The following SSH2 variants were observed in gnomAD, a reference collection of about 807,000 sequenced individuals.
The protein encoded by SSH2 is protein phosphatase Slingshot homolog 2.
Under a neutral mutation model 135.2 loss-of-function variants are expected in SSH2, and 37 were observed. The observed-to-expected ratio is 0.27, with a 90% CI of 0.21 to 0.36. The LOEUF is 0.36. Among genes scored for constraint, SSH2 ranks in the 10% least tolerant of loss-of-function variants. The pLI, the probability that SSH2 is intolerant of heterozygous loss-of-function variation, is 1.00. For synonymous variants in SSH2, 628 were observed against 646.2 expected (o/e 0.97, Z 0.43); for missense variants, 1,408 against 1,765.3 (o/e 0.80, Z 3.63).
intron 3 of SSH2, among the ~76,000 whole-genome samples, chr17:29,778,834 CCAAAAAAAA>C (rs2041772585): frequency 1.8e-5 from 1 of 56,714 alleles, no homozygotes; most frequent in Non-Finnish European, 3.1e-5. Flanking sequence ...CCTCCGTCTC[CCAAAAAAAA>C]AAAAAAAAAA....
At chr17:29,773,678 T>A (rs967203975) in intron 3 of SSH2, among the ~76,000 whole-genome samples, 11 of 152,330 alleles carry the variant, frequency 7.2e-5, no homozygotes, top group African/African-American at 2.4e-4. Context: ...GGGTTATTTT[T>A]TTTATTTATT....
intron 1 of SSH2, among the ~76,000 whole-genome samples, chr17:29,899,578 T>A (rs1409371998): frequency 2.0e-5 from 3 of 152,152 alleles, no homozygotes; most frequent in Non-Finnish European, 2.9e-5. Context: ...ACAAGGGATG[T>A]GAAGGACCTC....
intron 2 of SSH2, among the ~76,000 whole-genome samples, chr17:29,814,992 A>C (rs1290755342): frequency 1.4e-5 from 2 of 144,542 alleles, no homozygotes; most frequent in Admixed American, 1.4e-4. Flanking sequence ...GTTGATACCC[A>C]GGCTGGAGTG....
At chr17:29,766,081 TTTATTA>T (rs927509409) in intron 3 of SSH2, among the ~76,000 whole-genome samples, 4 of 121,648 alleles carry the variant, frequency 3.3e-5, no homozygotes, top group African/African-American at 1.2e-4. Flanking sequence ...CAAATTCAAA[TTTATTA>T]TTATTATTAT....
intron 3 of SSH2, among the ~76,000 whole-genome samples, chr17:29,756,236 C>A: frequency 6.7e-6 from 1 of 149,186 alleles, no homozygotes; most frequent in East Asian, 2.0e-4. Flanking sequence ...TCACTCCAGC[C>A]TGGGCAACAA....
intron 1 of SSH2, among the ~76,000 whole-genome samples, chr17:29,894,624 A>G (rs1279354964): frequency 6.6e-6 from 1 of 151,958 alleles, no homozygotes; most frequent in Admixed American, 6.6e-5. Context: ...TTCAATCCAC[A>G]GTTGGTTGAA....
At chr17:29,667,673 C>T (rs1294213252) in intron 9 of SSH2, among the ~76,000 whole-genome samples, 2 of 152,202 alleles carry the variant, frequency 1.3e-5, no homozygotes, top group Non-Finnish European at 2.9e-5. Context: ...AGGCTGGGGA[C>T]TGCTGACTTA....
Position 29,631,993 on chromosome 17 carries a change from C to T in SSH2, c.3201G>A (p.Gly1067=). ...ATTTTTCCATGTTCACTTTCCTCAG[C>T]CCTTGCTCTCCGCTCTTCTCACTGG... ...IATSEKSGEQ[G]LRKVNMEKSV... The change falls in exon 16 of 16, where the codon GGG becomes GGA. Residue 1067 remains glycine (G), a synonymous_variant. Coordinates refer to ENST00000540801, the MANE Select transcript of SSH2 (RefSeq NM_001282129.2). 1 of 1,614,176 alleles carries T rather than the reference C, an allele frequency of 6.2e-7. No individual in the cohort carries two copies.
intron 5 of SSH2, among the ~76,000 whole-genome samples, chr17:29,691,926 G>A (rs1355402403): frequency 6.6e-6 from 1 of 151,432 alleles, no homozygotes; most frequent in Non-Finnish European, 1.5e-5. Flanking sequence ...ATCACTTGAG[G>A]TCAGGAGTTC....
intron 2 of SSH2, among the ~76,000 whole-genome samples, chr17:29,812,718 G>A (rs1025271127): frequency 2.0e-5 from 3 of 151,858 alleles, no homozygotes; most frequent in Non-Finnish European, 4.4e-5. Flanking sequence ...GTGAAACCCC[G>A]TCTCTACTAA....
chr17:29,841,814 C>T (rs868820499), intron 2 of SSH2, among the ~76,000 whole-genome samples: 5 of 151,926 alleles, frequency 3.3e-5, no homozygotes, highest in Admixed American at 1.3e-4. Flanking sequence ...ACAGCCTCAA[C>T]CTTCTGGGCT....
intron 11 of SSH2, 78 bp from the exon 12 acceptor site, chr17:29,655,685 G>C (rs190364189): frequency 2.9e-5 from 39 of 1,337,100 alleles, no homozygotes; most frequent in Non-Finnish European, 3.7e-5. Context: ...GAGAGAAGAA[G>C]AACTTTCAAA....
chr17:29,812,089 TA>T (rs2042452667), intron 2 of SSH2, among the ~76,000 whole-genome samples: 1 of 151,740 alleles, frequency 6.6e-6, no homozygotes, highest in South Asian at 2.1e-4. Context: ...ACTCATTCAT[TA>T]AACTGTGAAC....
At chr17:29,803,122 G>T (rs1333928968) in intron 2 of SSH2, among the ~76,000 whole-genome samples, 1 of 152,186 alleles carries the variant, frequency 6.6e-6, no homozygotes, top group Non-Finnish European at 1.5e-5. Context: ...AGAAGGCTTA[G>T]ATCCACTGCT....
intron 14 of SSH2, among the ~76,000 whole-genome samples, chr17:29,642,854 A>T (rs934901121): frequency 1.3e-5 from 2 of 152,164 alleles, no homozygotes; most frequent in Non-Finnish European, 2.9e-5. Flanking sequence ...CTTCTCTTCT[A>T]CTAAGGCCAA....
intron 2 of SSH2, among the ~76,000 whole-genome samples, chr17:29,813,052 G>A (rs942366522): frequency 3.3e-5 from 5 of 152,008 alleles, no homozygotes; most frequent in Non-Finnish European, 7.4e-5. Flanking sequence ...TAGTCTCAAC[G>A]AACAAGGAAT....
At chr17:29,852,883 C>T (rs889716543) in intron 1 of SSH2, among the ~76,000 whole-genome samples, 5 of 151,648 alleles carry the variant, frequency 3.3e-5, no homozygotes, top group African/African-American at 4.9e-5. Flanking sequence ...GAATTGTTTC[C>T]GGGTTCTGCA....
intron 2 of SSH2, among the ~76,000 whole-genome samples, chr17:29,796,854 G>T (rs1201824972): frequency 6.7e-6 from 1 of 149,862 alleles, no homozygotes; most frequent in Non-Finnish European, 1.5e-5. Context: ...TGTCACTTAG[G>T]CTGTAGTATG....
chr17:29,927,323 C>T (rs1211928196), intron 1 of SSH2, among the ~76,000 whole-genome samples: 1 of 151,994 alleles, frequency 6.6e-6, no homozygotes, highest in African/African-American at 2.4e-5. Flanking sequence ...AATGCCCCAG[C>T]CCCCCAGATT....
Sources: allele counts gnomAD v4.1 joint callset (sites outside exome capture counted in the v4.1 genomes callset), GRCh38; gene constraint gnomAD v4.1.1; transcripts MANE v1.5; gene names NCBI Gene and HGNC (gene_info 2026-07-23, HGNC 2026-07-21).